Variants in SOS1 observed in about 807,000 individuals in gnomAD.
The protein encoded by SOS1 is SOS Ras/Rac guanine nucleotide exchange factor 1.
Under a neutral mutation model 157.6 loss-of-function variants are expected in SOS1, and 25 were observed. The ratio of observed to expected loss-of-function variants is 0.16; its 90% CI spans 0.12 to 0.22. SOS1 has a LOEUF of 0.22. Among genes scored for constraint, SOS1 ranks in the 10% least tolerant of loss-of-function variants. The probability of loss-of-function intolerance (pLI) is 1.00; values close to 1 mark genes in which losing one functional copy is unlikely to be tolerated. For synonymous variants in SOS1, 528 were observed against 534.0 expected (o/e 0.99, Z 0.16); for missense variants, 1,237 against 1,599.1 (o/e 0.77, Z 3.86).
intron 4 of SOS1, among the ~76,000 whole-genome samples, chr2:39,056,390 C>G (rs987593235): frequency 2.6e-5 from 4 of 151,978 alleles, no homozygotes; most frequent in African/African-American, 9.7e-5. Flanking sequence ...GCACTCCAGC[C>G]TGGGCGACAG....
chr2:39,120,357 T>C lies in SOS1; in HGVS notation c.66A>G (p.Leu22=), dbSNP rs770539511. The part of the protein sequence containing the change: ...SEENAPKWRG[L]LVPALKKVQG... The stretch of plus-strand genomic sequence containing the variant: ...TCACCTTTTTCAGCGCAGGCACCAG[T>C]AGTCCCCGCCACTTGGGCGCGTTCT... The change falls in exon 1 of 23, where the codon CTA becomes CTG. Residue 22 remains leucine, a synonymous_variant. Coordinates refer to ENST00000402219, the MANE Select transcript of SOS1 (RefSeq NM_005633.4). The C allele has an allele frequency of 4.4e-6, 7 of 1,592,140 alleles. No individual in the cohort carries two copies. The African/African-American group carries it at 6.8e-5, about 16-fold the overall frequency.
chr2:38,986,079 G>T lies in SOS1; in HGVS notation c.3747C>A (p.Phe1249Leu), dbSNP rs775837423. ...GKKSDHGNAF[F>L]PNSPSPFTPP... The stretch of plus-strand genomic sequence containing the variant: ...GTGTAAAGGGGGAAGGGCTGTTTGG[G>T]AAGAAGGCATTGCCATGGTCACTTT... The change falls in exon 23 of 23, where the codon TTC (phenylalanine) becomes TTA (leucine). Residue 1249 changes from phenylalanine to leucine, a missense_variant. Coordinates refer to ENST00000402219, the MANE Select transcript of SOS1 (RefSeq NM_005633.4). 3.7e-6 allele frequency: 6 copies of T among 1,613,808 alleles called. No individual in the cohort carries two copies. The highest frequency in any genetic ancestry group is 1.1e-5 in the South Asian group (1 of 91,084).
chr2:39,077,320 C>CA (rs11362922), intron 1 of SOS1, among the ~76,000 whole-genome samples: 85 of 138,534 alleles, frequency 6.1e-4, no homozygotes, highest in Middle Eastern at 3.6e-3. Flanking sequence ...ACTCCTTCTC[C>CA]AAAAAAAAAA....
chr2:38,988,685 AGG>A (rs1318819967), intron 21 of SOS1, among the ~76,000 whole-genome samples: 6 of 152,288 alleles, frequency 3.9e-5, no homozygotes, highest in African/African-American at 1.2e-4. Context: ...ATTGTATGAA[AGG>A]ACAGCAAAAA....
chr2:39,032,464 A>G (rs936252283), intron 8 of SOS1, among the ~76,000 whole-genome samples: 2 of 152,270 alleles, frequency 1.3e-5, no homozygotes, highest in Admixed American at 6.5e-5. Flanking sequence ...AATATAAGAC[A>G]TAAGAATTTA....
At chr2:39,026,010 G>A (rs1292564049) in intron 8 of SOS1, among the ~76,000 whole-genome samples, 1 of 151,948 alleles carries the variant, frequency 6.6e-6, no homozygotes, top group Non-Finnish European at 1.5e-5. Flanking sequence ...CTTTCTACTA[G>A]AGGCATAATC....
intron 1 of SOS1, among the ~76,000 whole-genome samples, chr2:39,080,364 G>C (rs576954250): frequency 3.7e-4 from 56 of 152,262 alleles, no homozygotes; most frequent in African/African-American, 1.3e-3. Flanking sequence ...TGTAAATACA[G>C]ATGAAGCTTT....
chr2:39,094,012 C>G (rs1672682727), intron 1 of SOS1, among the ~76,000 whole-genome samples: 1 of 152,082 alleles, frequency 6.6e-6, no homozygotes, highest in African/African-American at 2.4e-5. Context: ...CTGAGTTTTT[C>G]TTCATATATT....
intron 8 of SOS1, among the ~76,000 whole-genome samples, chr2:39,032,103 T>G (rs1283055825): frequency 6.6e-6 from 1 of 152,236 alleles, no homozygotes; most frequent in Non-Finnish European, 1.5e-5. Flanking sequence ...ATCAAGCTAC[T>G]TAAAACATGT....
At chr2:39,090,048 G>C (rs1490404793) in intron 1 of SOS1, among the ~76,000 whole-genome samples, 1 of 149,904 alleles carries the variant, frequency 6.7e-6, no homozygotes, top group East Asian at 2.0e-4. Context: ...GCTGAGGCCA[G>C]AGAATCACTT....
At chr2:39,100,762 A>G (rs1672937488) in intron 1 of SOS1, among the ~76,000 whole-genome samples, 1 of 152,088 alleles carries the variant, frequency 6.6e-6, no homozygotes, top group African/African-American at 2.4e-5. Context: ...CAAAAAATTT[A>G]AAGAAAAATA....
chr2:39,008,205 T>A (rs1028473462), intron 15 of SOS1, among the ~76,000 whole-genome samples: 1 of 152,162 alleles, frequency 6.6e-6, no homozygotes, highest in Non-Finnish European at 1.5e-5. Flanking sequence ...TTGGGTGTGA[T>A]GTTTTGAGCA....
chr2:39,040,438 T>A (rs553338578), intron 6 of SOS1, among the ~76,000 whole-genome samples: 58 of 152,280 alleles, frequency 3.8e-4, no homozygotes, highest in Non-Finnish European at 2.9e-5. Context: ...ATCTGAACTA[T>A]TCTATCATCC....
intron 6 of SOS1, among the ~76,000 whole-genome samples, chr2:39,050,648 T>C (rs552713406): frequency 6.6e-6 from 1 of 152,306 alleles, no homozygotes; most frequent in East Asian, 1.9e-4. Flanking sequence ...TGGAATAGTT[T>C]CAGATTTTGG....
intron 1 of SOS1, among the ~76,000 whole-genome samples, chr2:39,082,369 G>A (rs2148171986): frequency 6.6e-6 from 1 of 152,286 alleles, no homozygotes; most frequent in East Asian, 1.9e-4. Flanking sequence ...AGTCCTCACA[G>A]AACTTACATC....
chr2:39,095,703 T>TC (rs1672745754), intron 1 of SOS1, among the ~76,000 whole-genome samples: 1 of 152,210 alleles, frequency 6.6e-6, no homozygotes, highest in Non-Finnish European at 1.5e-5. Flanking sequence ...TTATTTCAGT[T>TC]CCACATATTC....
intron 17 of SOS1, among the ~76,000 whole-genome samples, chr2:39,000,836 A>C (rs1669071419): frequency 6.6e-6 from 1 of 152,234 alleles, no homozygotes; most frequent in Admixed American, 6.5e-5. Flanking sequence ...TGAATGAAAG[A>C]AGTATATTGT....
intron 1 of SOS1, among the ~76,000 whole-genome samples, chr2:39,074,874 A>G (rs1442969114): frequency 2.2e-5 from 3 of 135,684 alleles, no homozygotes; most frequent in East Asian, 2.0e-4. Flanking sequence ...CCTCAACAGG[A>G]AAAAAAAAAA....
intron 1 of SOS1, among the ~76,000 whole-genome samples, chr2:39,115,397 GTTCT>G (rs1673607807): frequency 9.8e-6 from 1 of 101,606 alleles, no homozygotes; most frequent in Non-Finnish European, 2.0e-5. Flanking sequence ...TATCAAATTT[GTTCT>G]CTCTCTTTTT....
Sources: gnomAD v4.1 joint callset for allele counts (sites outside exome capture counted in the v4.1 genomes callset) on GRCh38, gnomAD v4.1.1 for gene constraint, MANE v1.5 for transcripts, NCBI Gene and HGNC (gene_info 2026-07-23, HGNC 2026-07-21) for gene names.